The following SKAP1 variants were observed in gnomAD, a reference collection of about 807,000 sequenced individuals.
SKAP1 encodes src kinase-associated phosphoprotein 1.
Under a neutral mutation model 58.5 loss-of-function variants are expected in SKAP1, and 44 were observed. The observed-to-expected ratio is 0.75, with a 90% CI of 0.59 to 0.97. SKAP1 has a LOEUF of 0.97. SKAP1 is among the 50% of genes least tolerant of loss of function. SKAP1 has a pLI of 0.00. For missense variants in SKAP1, 390 were observed against 435.2 expected (o/e 0.90, Z 0.92); for synonymous variants, 127 against 149.7 (o/e 0.85, Z 1.11).
chr17:48,436,308 G>T, the SKAP1 span, among the ~76,000 whole-genome samples: 5 of 152,130 alleles, frequency 3.3e-5, no homozygotes, highest in African/African-American at 1.2e-4. Context: ...CTTACCTCAG[G>T]TGATCTGTCC....
intron 2 of SKAP1, among the ~76,000 whole-genome samples, chr17:48,372,176 T>C (rs2067096373): frequency 6.6e-6 from 1 of 152,180 alleles, no homozygotes; most frequent in Non-Finnish European, 1.5e-5. Flanking sequence ...TTTCCCATGT[T>C]GGCAAGGTTG....
At chr17:48,312,222 C>T (rs1014481939) in intron 4 of SKAP1, among the ~76,000 whole-genome samples, 1 of 152,182 alleles carries the variant, frequency 6.6e-6, no homozygotes, top group Non-Finnish European at 1.5e-5. Context: ...GGTTATGCTT[C>T]TTGTTTTCCA....
At chr17:48,321,696 G>C (rs1483606062) in intron 4 of SKAP1, among the ~76,000 whole-genome samples, 3 of 151,812 alleles carry the variant, frequency 2.0e-5, no homozygotes, top group African/African-American at 7.3e-5. Context: ...TATTTTTAAA[G>C]GTTAAATGGT....
Position 48,211,654 on chromosome 17 carries a change from T to C in SKAP1, c.281-22154A>G, listed in dbSNP as rs372025676. On this transcript the variant is annotated intron_variant, in intron 4 of 12. Transcript: ENST00000336915. ...AGCATGTAATCTGCCTAGAAGCTCC[T>C]GGTAATCTCTCATTTATCCATAAAT... Among the ~76,000 whole-genome samples the C allele has an allele frequency of 2.6e-4, 39 of 152,344 alleles. No individual in the cohort carries two copies. In the East Asian group the frequency reaches 7.5e-3, roughly 29 times the overall value.
At chr17:48,371,469 T>C (rs16955978) in intron 2 of SKAP1, among the ~76,000 whole-genome samples, 4,740 of 151,794 alleles carry the variant, frequency 0.031, 101 homozygotes, top group South Asian at 0.052. Flanking sequence ...GTCAGCTAAT[T>C]AGATAGATCC....
At chr17:48,232,209 G>A (rs750063370) in intron 4 of SKAP1, among the ~76,000 whole-genome samples, 1 of 152,210 alleles carries the variant, frequency 6.6e-6, no homozygotes, top group Non-Finnish European at 1.5e-5. Context: ...ATCATAATCT[G>A]TGCAAATGGG....
At chr17:48,170,757 T>C in intron 9 of SKAP1, 98 bp from the exon 10 acceptor site, 1 of 1,042,882 alleles carries the variant, frequency 9.6e-7, no homozygotes, top group African/African-American at 1.6e-5. Context: ...TTGTCTAGGC[T>C]GAAGTGCAGT....
chr17:48,398,506 C>T (rs1390718188), intron 1 of SKAP1, among the ~76,000 whole-genome samples: 1 of 152,020 alleles, frequency 6.6e-6, no homozygotes, highest in East Asian at 1.9e-4. Context: ...AAATCTAATG[C>T]TCTTTAATCA....
At chr17:48,363,650 G>T in intron 3 of SKAP1, 139 bp downstream of exon 3, 1 of 663,514 alleles carries the variant, frequency 1.5e-6, no homozygotes, top group Non-Finnish European at 2.5e-6. Flanking sequence ...CAGGGTGAAG[G>T]TTAATTAAAC....
At chr17:48,139,224 C>T (rs922601506) in intron 11 of SKAP1, among the ~76,000 whole-genome samples, 25 of 150,310 alleles carry the variant, frequency 1.7e-4, no homozygotes, top group African/African-American at 4.4e-4. Flanking sequence ...CTCTTTTGCC[C>T]GGTCTGGAGT....
At chr17:48,197,611 C>G (rs1001124391) in intron 4 of SKAP1, among the ~76,000 whole-genome samples, 1 of 152,086 alleles carries the variant, frequency 6.6e-6, no homozygotes, top group African/African-American at 2.4e-5. Context: ...ATTGCTTGAG[C>G]CTGGGAGGCA....
intron 4 of SKAP1, among the ~76,000 whole-genome samples, chr17:48,340,097 T>G (rs1260866326): frequency 4.6e-5 from 7 of 152,110 alleles, no homozygotes; most frequent in African/African-American, 1.7e-4. Flanking sequence ...AGAGAATCGC[T>G]TGAACCCAGG....
intron 3 of SKAP1, among the ~76,000 whole-genome samples, chr17:48,350,326 T>C (rs2066783097): frequency 6.6e-6 from 1 of 152,240 alleles, no homozygotes. Flanking sequence ...TTTATTTCTC[T>C]TCAAATTAAT....
At chr17:48,252,713 AGTGT>A (rs71141977) in intron 4 of SKAP1, among the ~76,000 whole-genome samples, 20,576 of 144,998 alleles carry the variant, frequency 0.14, 1,699 homozygotes, top group Non-Finnish European at 0.19. Flanking sequence ...GCTCTAAGCT[AGTGT>A]GTGTGTGTGT....
At chr17:48,192,451 T>C (rs2064559877) in intron 4 of SKAP1, among the ~76,000 whole-genome samples, 1 of 152,174 alleles carries the variant, frequency 6.6e-6, no homozygotes, top group South Asian at 2.1e-4. Context: ...GGAACATCTA[T>C]AATTATGAAA....
intron 2 of SKAP1, among the ~76,000 whole-genome samples, chr17:48,376,300 C>T (rs1468190983): frequency 6.6e-6 from 1 of 152,040 alleles, no homozygotes; most frequent in Non-Finnish European, 1.5e-5. Context: ...TTACTCTAGC[C>T]TTCACTTTAC....
chr17:48,365,715 CA>C (rs1375402343), intron 2 of SKAP1, among the ~76,000 whole-genome samples: 2 of 151,984 alleles, frequency 1.3e-5, no homozygotes, highest in Admixed American at 1.3e-4. Context: ...TTCACACCAC[CA>C]AATATAAGGG....
At chr17:48,186,552 C>G (rs1175596179) in intron 6 of SKAP1, among the ~76,000 whole-genome samples, 5 of 151,978 alleles carry the variant, frequency 3.3e-5, no homozygotes, top group Non-Finnish European at 5.9e-5. Flanking sequence ...GTGGCGTGAT[C>G]TCGGCTCACC....
intron 4 of SKAP1, among the ~76,000 whole-genome samples, chr17:48,330,158 C>T (rs997726206): frequency 6.6e-6 from 1 of 152,140 alleles, no homozygotes; most frequent in Non-Finnish European, 1.5e-5. Context: ...CTGTACAGGG[C>T]TTTCTCTTGT....
Sources: allele counts gnomAD v4.1 joint callset (sites outside exome capture counted in the v4.1 genomes callset), GRCh38; gene constraint gnomAD v4.1.1; transcripts MANE v1.5; gene names NCBI Gene and HGNC (gene_info 2026-07-23, HGNC 2026-07-21).